The following AHRR variants were observed in gnomAD, a reference collection of about 807,000 sequenced individuals.
AHRR encodes aryl hydrocarbon receptor repressor.
Under a neutral mutation model 44.0 loss-of-function variants are expected in AHRR, and 28 were observed. That is an observed-to-expected ratio of 0.64 (90% confidence interval 0.47 to 0.87). The LOEUF (loss-of-function observed/expected upper bound fraction) is 0.87. Ranked by LOEUF, AHRR falls within the 40% of genes least tolerant of loss-of-function variation. The pLI is 0.00. For missense variants in AHRR, 990 were observed against 953.9 expected, an observed-to-expected ratio of 1.04 and a Z score of -0.50; for synonymous variants, 434 against 407.0, an observed-to-expected ratio of 1.07 and a Z score of -0.80.
intron 5 of AHRR, 119 bp downstream of exon 5, chr5:413,552 C>T (rs1405471440): frequency 6.7e-6 from 5 of 750,480 alleles, no homozygotes; most frequent in Admixed American, 5.3e-5. Flanking sequence ...TATCACTGAG[C>T]TCTTATCAGA....
Position 394,228 on chromosome 5 carries a change from T to C in AHRR, c.351+17512T>C, listed in dbSNP as rs1267577990. On this transcript the variant is annotated intron_variant, in intron 4 of 10. Transcript: ENST00000684583. ...GCTCAGCTGCATTCCTGCTGGCGAA[T>C]GTTTTCTCTGCTCCAGGGCCTCCCC... Among the ~76,000 whole-genome samples the C allele has an allele frequency of 3.9e-5, 6 of 152,228 alleles. No homozygotes were observed. The East Asian group carries it at 1.2e-3, about 29-fold the overall frequency.
chr5:362,445 C>T (rs1743215434), intron 3 of AHRR, among the ~76,000 whole-genome samples: 1 of 152,254 alleles, frequency 6.6e-6, no homozygotes, highest in South Asian at 2.1e-4. Context: ...GGTCGAGTGC[C>T]TTCCAGCTCT....
chr5:397,273 G>A (rs370114242), intron 4 of AHRR, among the ~76,000 whole-genome samples: 48 of 66,380 alleles, frequency 7.2e-4, no homozygotes, highest in African/African-American at 1.9e-3. Context: ...GCTCCTGACC[G>A]TCCATGTTAG....
intron 1 of AHRR, among the ~76,000 whole-genome samples, chr5:334,929 C>T (rs1451289869): frequency 1.3e-5 from 2 of 152,134 alleles, no homozygotes; most frequent in African/African-American, 4.8e-5. Flanking sequence ...AGGCATGCAG[C>T]AGTGAAGCCT....
chr5:327,695 G>A (rs1001797085), intron 1 of AHRR, among the ~76,000 whole-genome samples: 7 of 152,154 alleles, frequency 4.6e-5, no homozygotes, highest in African/African-American at 1.2e-4. Context: ...GAGTGCAGGC[G>A]TCTTTTTGAT....
At chr5:335,759 T>C (rs1220358109) in intron 1 of AHRR, among the ~76,000 whole-genome samples, 4 of 152,206 alleles carry the variant, frequency 2.6e-5, no homozygotes, top group African/African-American at 9.6e-5. Flanking sequence ...TCCTGGCTGT[T>C]GGAGACAAAA....
Position 342,664 on chromosome 5 carries a change from C to T in AHRR, c.-10-1229C>T, listed in dbSNP as rs1207682847. ...ACTCACTTCAGGTCAGGTGAGGGCT[C>T]CTTAACTTCCTCCCCAAGGCTTCTG... On this transcript the variant is annotated intron_variant, in intron 1 of 10. Coordinates refer to ENST00000684583, the MANE Select transcript of AHRR (RefSeq NM_001377236.1). This position sits in a 1 kb window ranked among gnomAD's most constrained non-coding sequence, Gnocchi z 4.3. 6.6e-6 allele frequency among the ~76,000 whole-genome samples: 1 copy of T among 152,216 alleles called. No homozygotes were observed. The highest frequency in any genetic ancestry group is 1.5e-5 in the Non-Finnish European group (1 of 68,038).
intron 7 of AHRR, among the ~76,000 whole-genome samples, chr5:424,358 T>C (rs1736286485): frequency 1.2e-5 from 1 of 82,822 alleles, no homozygotes; most frequent in Non-Finnish European, 2.5e-5. Context: ...CACCCTGTGA[T>C]GGTGTGGGGG....
intron 2 of AHRR, among the ~76,000 whole-genome samples, chr5:344,420 G>GGT (rs1553978581): frequency 4.1e-4 from 10 of 24,522 alleles, no homozygotes; most frequent in Non-Finnish European, 8.9e-4. Context: ...GGGTGTGTGC[G>GGT]GTATGTGTGA....
intron 8 of AHRR, among the ~76,000 whole-genome samples, chr5:431,517 A>G (rs912918139): frequency 9.9e-5 from 15 of 152,284 alleles, no homozygotes; most frequent in African/African-American, 3.4e-4. Context: ...ACTGTGGTCC[A>G]GGGCACCACA....
chr5:379,427 G>A (rs1014052136), intron 4 of AHRR, among the ~76,000 whole-genome samples: 1 of 152,188 alleles, frequency 6.6e-6, no homozygotes, highest in Non-Finnish European at 1.5e-5. Context: ...GTAGGTCTTC[G>A]TTTCATGAAT....
intron 8 of AHRR, among the ~76,000 whole-genome samples, chr5:430,446 C>T (rs1736673311): frequency 6.6e-6 from 1 of 152,252 alleles, no homozygotes; most frequent in South Asian, 2.1e-4. Flanking sequence ...CGGCCGAGGG[C>T]CCTTTCGCCC....
intron 4 of AHRR, among the ~76,000 whole-genome samples, chr5:408,932 A>G (rs1413290099): frequency 6.6e-6 from 1 of 152,230 alleles, no homozygotes. Flanking sequence ...ACAGAAATAT[A>G]TACTTTAGGT....
chr5:391,485 GGCGGGC>G, intron 4 of AHRR, among the ~76,000 whole-genome samples: 4 of 94,284 alleles, frequency 4.2e-5, no homozygotes, highest in African/African-American at 2.6e-4. Context: ...GGCAGGGCGA[GGCGGGC>G]GCAGGGTGAG....
chr5:343,702 C>T (rs1402743216), intron 1 of AHRR, 191 bp from the exon 2 acceptor site: 2 of 549,166 alleles, frequency 3.6e-6, no homozygotes, highest in Non-Finnish European at 6.2e-6. Flanking sequence ...GCCCCGGTGG[C>T]TCCTCGGTGC....
chr5:414,559 T>C (rs1735633729), intron 5 of AHRR, among the ~76,000 whole-genome samples: 1 of 152,086 alleles, frequency 6.6e-6, no homozygotes, highest in African/African-American at 2.4e-5. Flanking sequence ...ATGCAAGTTA[T>C]AAACCCAAGG....
chr5:335,446 C>T (rs1468077977), intron 1 of AHRR, among the ~76,000 whole-genome samples: 1 of 152,158 alleles, frequency 6.6e-6, no homozygotes, highest in African/African-American at 2.4e-5. Context: ...CTCAGTGTCC[C>T]AGGTGGTGGA....
intron 3 of AHRR, chr5:368,002 A>G (rs943769578): frequency 8.7e-6 from 6 of 690,714 alleles, no homozygotes; most frequent in Non-Finnish European, 1.6e-5. Context: ...GAGGACAATG[A>G]AGGCAATGGT....
At position 395,277 on chromosome 5, in the gene AHRR, CAG is replaced by C. The variant is rs1337403137; in HGVS notation, c.352-18064_352-18063del. On this transcript the variant is annotated intron_variant, in intron 4 of 10. Transcript: ENST00000684583. The surrounding 1 kb of genome is among the most constrained non-coding windows in gnomAD (Gnocchi z 5.3). ...GAATGACACTGGTGCGGAATGCAGACAGAGGGGGCCTGGGAGACACGAGCCCC... is the reference window on the plus strand; with the variant it reads ...GAATGACACTGGTGCGGAATGCAGACAGGGGGCCTGGGAGACACGAGCCCC... Among the ~76,000 whole-genome samples the C allele has an allele frequency of 3.3e-5, 5 of 152,218 alleles. No homozygotes were observed. The highest frequency in any genetic ancestry group is 5.9e-5 in the Non-Finnish European group (4 of 68,042).
Sources: allele counts gnomAD v4.1 joint callset (sites outside exome capture counted in the v4.1 genomes callset), GRCh38; gene constraint gnomAD v4.1.1; non-coding constraint Gnocchi (gnomAD v3.1); transcripts MANE v1.5; gene names NCBI Gene and HGNC (gene_info 2026-07-23, HGNC 2026-07-21).